CHD7: variants seen among roughly 807,000 people sequenced by gnomAD.
The protein encoded by CHD7 is ATP-dependent chromatin remodeler CHD7.
CHD7 carries 24 observed loss-of-function variants against 307.3 expected under a neutral mutation model. That is an observed-to-expected ratio of 0.08 (90% confidence interval 0.06 to 0.11). The LOEUF (loss-of-function observed/expected upper bound fraction) is 0.11, where lower values mean the gene tolerates loss of function less well. Ranked by LOEUF, CHD7 falls within the 10% of genes least tolerant of loss-of-function variation. CHD7 has a pLI of 1.00. For missense variants in CHD7, 3,106 were observed against 3,727.1 expected (o/e 0.83, Z 4.34); for synonymous variants, 1,363 against 1,349.9 (o/e 1.01, Z -0.21).
rs548612732 is a variant in CHD7 at position 60,848,487 on chromosome 8, T to A, written c.5211-28T>A. On this transcript the variant is annotated intron_variant, in intron 23 of 37. Coordinates refer to ENST00000423902, the MANE Select transcript of CHD7 (RefSeq NM_017780.4). ...GGCAAACAGTCCTGAAGTTAAGAAC[T>A]TTTTCCCCCCTCTGTCTTCCTCTCC... 4 of 1,560,742 alleles carry A rather than the reference T, an allele frequency of 2.6e-6. No homozygotes were observed. The Admixed American group carries it at 5.2e-5, about 20-fold the overall frequency.
Position 60,742,325 on chromosome 8 carries a change from C to G in CHD7, c.893C>G (p.Thr298Arg). The part of the protein sequence containing the change: ...QTLNFSSRSQ[T>R]VPSPTINNSG... ...CTTAACTTTAGTTCTCGGAGCCAGA[C>G]AGTCCCCTCTCCTACTATAAACAAC... Residue 298 changes from threonine (T) to arginine (R), a missense_variant, in exon 2 of 38, where the codon ACA (threonine) becomes AGA (arginine). Thr to Arg is a moderately conservative substitution (Grantham distance 71). Around this residue, in one of 10 missense-constraint regions of CHD7, gnomAD observed 998 missense variants for 1,004.5 expected, o/e 0.99. Coordinates refer to ENST00000423902, the MANE Select transcript of CHD7 (RefSeq NM_017780.4). 2 of 1,614,010 alleles carry G rather than the reference C, an allele frequency of 1.2e-6. No individual in the cohort carries two copies. Among genetic ancestry groups the G allele is most frequent in the African/African-American group, 1.3e-5 (1 of 75,060 alleles).
intron 2 of CHD7, among the ~76,000 whole-genome samples, chr8:60,743,692 A>C (rs926215381): frequency 1.3e-5 from 2 of 152,258 alleles, no homozygotes; most frequent in Non-Finnish European, 2.9e-5. Flanking sequence ...GATACCCAGC[A>C]CTGAAGTAGG....
At chr8:60,745,292 G>A (rs1206962541) in intron 2 of CHD7, among the ~76,000 whole-genome samples, 1 of 152,152 alleles carries the variant, frequency 6.6e-6, no homozygotes, top group Non-Finnish European at 1.5e-5. Context: ...TGTCTTCACC[G>A]GAGGGTGAGC....
In CHD7 at chr8:60,815,873, G is replaced by T. The variant is rs574225574; in HGVS notation, c.2499-514G>T. ...CTTTGGGACCAGTATGATAGGCCTT[G>T]GGTGACTCTAGGGCACCCTACACCT... On this transcript the variant is annotated intron_variant, in intron 7 of 37. Coordinates refer to ENST00000423902, the MANE Select transcript of CHD7 (RefSeq NM_017780.4). Among the ~76,000 whole-genome samples, 6 of 152,202 alleles carry T rather than the reference G, an allele frequency of 3.9e-5. No homozygotes were observed. In the South Asian group the frequency reaches 1.2e-3, roughly 32 times the overall value.
At chr8:60,701,240 A>G (rs183252992) in intron 1 of CHD7, among the ~76,000 whole-genome samples, 1 of 152,302 alleles carries the variant, frequency 6.6e-6, no homozygotes. Context: ...TGTAGTACTG[A>G]GTGTGCAGTA....
In CHD7 at chr8:60,742,347, C is replaced by T. The variant is rs1809082428; in HGVS notation, c.915C>T (p.Asn305=). ...AGACAGTCCCCTCTCCTACTATAAA[C>T]AACTCAGGGCAGTATTCTCGATATC... ...RSQTVPSPTI[N]NSGQYSRYPY... Residue 305 remains asparagine, a synonymous_variant, in exon 2 of 38, where the codon AAC becomes AAT. Coordinates refer to ENST00000423902, the MANE Select transcript of CHD7 (RefSeq NM_017780.4). The T allele has an allele frequency of 1.2e-6, 2 of 1,613,876 alleles. No individual in the cohort carries two copies. Among genetic ancestry groups the T allele is most frequent in the South Asian group, 2.2e-5 (2 of 91,086 alleles).
chr8:60,751,153 T>G (rs1809621724), intron 2 of CHD7, among the ~76,000 whole-genome samples: 1 of 152,230 alleles, frequency 6.6e-6, no homozygotes, highest in South Asian at 2.1e-4. Flanking sequence ...TAGTTTTGAG[T>G]GGCGTTTGGA....
chr8:60,689,516 A>T (rs944673235), intron 1 of CHD7, among the ~76,000 whole-genome samples: 12 of 152,250 alleles, frequency 7.9e-5, no homozygotes, highest in Non-Finnish European at 1.6e-4. Context: ...TCAAAGCAGG[A>T]CAGGCTCATT....
intron 9 of CHD7, among the ~76,000 whole-genome samples, chr8:60,820,573 T>C (rs1803979378): frequency 6.6e-6 from 1 of 152,192 alleles, no homozygotes; most frequent in Non-Finnish European, 1.5e-5. Flanking sequence ...CTTATTTTGC[T>C]TTGCAAAACT....
chr8:60,719,861 G>T (rs1435971679), intron 1 of CHD7, among the ~76,000 whole-genome samples: 2 of 152,188 alleles, frequency 1.3e-5, no homozygotes, highest in African/African-American at 4.8e-5. Flanking sequence ...ATGGACACCA[G>T]ATCTGTTTGA....
At chr8:60,795,424 T>G (rs1811978139) in intron 4 of CHD7, among the ~76,000 whole-genome samples, 1 of 152,248 alleles carries the variant, frequency 6.6e-6, no homozygotes, top group African/African-American at 2.4e-5. Context: ...TTATTAACAT[T>G]GTTAATATAC....
At chr8:60,719,257 T>A (rs1663092291) in intron 1 of CHD7, among the ~76,000 whole-genome samples, 1 of 152,214 alleles carries the variant, frequency 6.6e-6, no homozygotes, top group African/African-American at 2.4e-5. Flanking sequence ...CCTTTTTTGA[T>A]TCAAGTAAGT....
rs558052090 is a variant in CHD7, at chr8:60,822,926, A to G, written c.3201+180A>G. On this transcript the variant is annotated intron_variant, in intron 12 of 37. Transcript: ENST00000423902. ...TCTGTGTCTATGAAAACAGCTCTTC[A>G]TTTTTATAGCTTTGGTTTTTCTGAT... Among the ~76,000 whole-genome samples the G allele has an allele frequency of 2.0e-5, 3 of 152,272 alleles. No individual in the cohort carries two copies. The South Asian group carries it at 6.2e-4, about 32-fold the overall frequency.
intron 1 of CHD7, among the ~76,000 whole-genome samples, chr8:60,687,225 G>A (rs1252148435): frequency 5.3e-5 from 8 of 152,142 alleles, no homozygotes. Flanking sequence ...AGAATTATAA[G>A]CATGCCTTTA....
At chr8:60,766,197 T>A (rs1810461652) in intron 2 of CHD7, among the ~76,000 whole-genome samples, 1 of 152,200 alleles carries the variant, frequency 6.6e-6, no homozygotes, top group South Asian at 2.1e-4. Flanking sequence ...GCAAGAACTC[T>A]GAGGGCAGAG....
chr8:60,810,173 C>G (rs6989150), intron 7 of CHD7, among the ~76,000 whole-genome samples: 28,437 of 152,002 alleles, frequency 0.19, 3,898 homozygotes, highest in African/African-American at 0.39. Flanking sequence ...CATTTTCTTG[C>G]TTTCTGGCAC....
chr8:60,750,817 A>G (rs1251703099), intron 2 of CHD7, among the ~76,000 whole-genome samples: 3 of 152,232 alleles, frequency 2.0e-5, no homozygotes, highest in African/African-American at 7.2e-5. Context: ...TTTAAAAACA[A>G]GTCAGAGTAT....
At chr8:60,773,977 C>T (rs901929266) in intron 2 of CHD7, among the ~76,000 whole-genome samples, 2 of 152,150 alleles carry the variant, frequency 1.3e-5, no homozygotes, top group African/African-American at 4.8e-5. Flanking sequence ...AATTTTTTAG[C>T]CATCTTAACC....
rs1177590770 is a variant in CHD7, at chr8:60,742,047, G to A, written c.615G>A (p.Gln205=). The part of the protein sequence containing the change: ...RGDFSMQQHG[Q]PQQRMSQFSQ... ...ATTTTTCCATGCAGCAGCATGGTCA[G>A]CCACAGCAGAGGATGAGCCAGTTTT... The change falls in exon 2 of 38, where the codon CAG becomes CAA. Residue 205 remains glutamine, a synonymous_variant. Coordinates refer to ENST00000423902, the MANE Select transcript of CHD7 (RefSeq NM_017780.4). 7 of 1,613,750 alleles carry A rather than the reference G, an allele frequency of 4.3e-6. No individual in the cohort carries two copies. The African/African-American group carries it at 8.0e-5, about 18-fold the overall frequency.
Sources: allele counts gnomAD v4.1 joint callset (sites outside exome capture counted in the v4.1 genomes callset), GRCh38; gene constraint gnomAD v4.1.1; regional missense constraint gnomAD v4.1.1; transcripts MANE v1.5; gene names NCBI Gene and HGNC (gene_info 2026-07-23, HGNC 2026-07-21).